PTK6: variants seen among roughly 807,000 people sequenced by gnomAD.
PTK6 encodes protein tyrosine kinase 6, also known as protein-tyrosine kinase 6.
In PTK6, 47 loss-of-function variants were observed where a neutral mutation model predicts 47.5. The ratio of observed to expected loss-of-function variants is 0.99; its 90% confidence interval spans 0.78 to 1.26. The LOEUF is 1.26. Among genes scored for constraint, PTK6 ranks in the 50% most tolerant of loss-of-function variants. PTK6 has a pLI of 0.00. For missense variants in PTK6, 618 were observed against 625.3 expected (o/e 0.99, Z 0.12); for synonymous variants, 287 against 276.5 (o/e 1.04, Z -0.38).
In PTK6 at chr20:63,530,313, T is replaced by A; in HGVS notation, c.1015-82A>T. 6.5e-7 allele frequency: 1 copy of A among 1,542,250 alleles called. No individual in the cohort carries two copies. The highest frequency in any genetic ancestry group is 8.9e-7 in the Non-Finnish European group (1 of 1,128,972). On this transcript the variant is annotated intron_variant, in intron 6 of 7. Coordinates refer to ENST00000542869, the MANE Select transcript of PTK6 (RefSeq NM_005975.4). The surrounding 1 kb of genome is among the most constrained non-coding windows in gnomAD (Gnocchi z 4.1). ...AGCATGGACGGGCACAGCGGCCGCA[T>A]TGCCCCAGCAGTGGGACGGTGATGA...
rs973303231 is a variant in PTK6 at position 63,528,561 on chromosome 20, C to G, written c.*975G>C. The stretch of plus-strand genomic sequence containing the variant: ...AGCTGGGACTACAGGCGCCCACCCC[C>G]ACCACCACACCCAGCTAATTTTTTG... On this transcript the variant is annotated 3_prime_UTR_variant, in exon 8 of 8. Transcript: ENST00000542869. 3.9e-5 allele frequency: 6 copies of G among 152,128 alleles called. No homozygotes were observed. In the East Asian group the frequency reaches 5.8e-4, roughly 15 times the overall value. 9.4% of individuals were successfully genotyped at this position (152,128 alleles called of 1,614,324 possible). A position where few individuals can be genotyped will look rare whatever the true frequency, so the allele number is the denominator to read the frequency against.
chr20:63,535,486 C>T (rs1460879164), intron 1 of PTK6, among the ~76,000 whole-genome samples: 4 of 152,180 alleles, frequency 2.6e-5, no homozygotes, highest in South Asian at 2.1e-4. Flanking sequence ...TGTGTGCTCA[C>T]TTGCCCACAC....
chr20:63,529,998 C>T lies in PTK6; in HGVS notation c.1168+80G>A, dbSNP rs746489841. The stretch of plus-strand genomic sequence containing the variant: ...GGCCCTGAAGCCCGTGGGGGAGGCA[C>T]CCCCCAGCGTCCCTGCCGGCTACCC... On this transcript the variant is annotated intron_variant, in intron 7 of 7. Transcript: ENST00000542869. The surrounding 1 kb of genome is among the most constrained non-coding windows in gnomAD (Gnocchi z 5.6). 1.1e-5 allele frequency: 17 copies of T among 1,508,926 alleles called. No individual in the cohort carries two copies. The highest frequency in any genetic ancestry group is 1.1e-4 in the African/African-American group (8 of 71,776). 93.5% of individuals were successfully genotyped at this position (1,508,926 alleles called of 1,614,324 possible). A position where few individuals can be genotyped will look rare whatever the true frequency, so the allele number is the denominator to read the frequency against.
In PTK6 at chr20:63,537,094, TCCACC is replaced by T; in HGVS notation, c.216_220del (p.Glu74GlyfsTer101). ...AGCCTAGGACACGCACGGTTCCGAC[TCCACC>T]GTCTCCCTCTCGGCCAGGTAGTTGT... On this transcript the variant is annotated frameshift_variant, in exon 1 of 8. Transcript: ENST00000542869. LOFTEE classifies it high-confidence loss of function. 1 of 1,609,342 alleles carries T rather than the reference TCCACC, an allele frequency of 6.2e-7. No homozygotes were observed. The highest frequency in any genetic ancestry group is 8.5e-7 in the Non-Finnish European group (1 of 1,178,520).
intron 2 of PTK6, 35 bp downstream of exon 2, chr20:63,534,903 G>A (rs374248069): frequency 6.4e-5 from 100 of 1,567,736 alleles, no homozygotes; most frequent in African/African-American, 3.1e-4. Flanking sequence ...AGGAGCCCCC[G>A]CAGGCAAGCA....
chr20:63,530,714 A>G lies in PTK6; in HGVS notation c.1014+32T>C, dbSNP rs1258927929. On this transcript the variant is annotated intron_variant, in intron 6 of 7. Coordinates refer to ENST00000542869, the MANE Select transcript of PTK6 (RefSeq NM_005975.4). The surrounding 1 kb of genome is among the most constrained non-coding windows in gnomAD (Gnocchi z 4.1). Reference sequence around the variant, plus strand: ...CCAGCCCTCCGGCCACGCCCCGGCCACGACCCCAGCCACGCCCTCTGAGGG... The same window carrying G: ...CCAGCCCTCCGGCCACGCCCCGGCCGCGACCCCAGCCACGCCCTCTGAGGG... 6.2e-7 allele frequency: 1 copy of G among 1,608,218 alleles called. No homozygotes were observed. Among genetic ancestry groups the G allele is most frequent in the Non-Finnish European group, 8.5e-7 (1 of 1,177,676 alleles).
Position 63,534,976 on chromosome 20 carries a change from CT to C in PTK6, c.313del (p.Arg105GlyfsTer35). 6.2e-7 allele frequency: 1 copy of C among 1,608,110 alleles called. No individual in the cohort carries two copies. Among genetic ancestry groups the C allele is most frequent in the East Asian group, 2.2e-5 (1 of 44,736 alleles). On this transcript the variant is annotated frameshift_variant, in exon 2 of 8. Coordinates refer to ENST00000542869, the MANE Select transcript of PTK6 (RefSeq NM_005975.4). LOFTEE classifies it high-confidence loss of function. ...EGNATGAFLI[R>X]VSEKPSADYV... is the part of the protein sequence containing the mutation. ...GTCGGCACTCGGCTTCTCGCTGACC[CT>C]GATCAGGAAGGCGCCCGTGGCGTTG...
chr20:63,534,060 C>T, intron 3 of PTK6, 92 bp downstream of exon 3: 1 of 1,430,920 alleles, frequency 7.0e-7, no homozygotes, highest in Non-Finnish European at 9.3e-7. Flanking sequence ...GGACCCCTCC[C>T]ATGCTGCCCG....
At chr20:63,535,422 A>G (rs7266539) in intron 1 of PTK6, among the ~76,000 whole-genome samples, 19,587 of 151,944 alleles carry the variant, frequency 0.13, 4,018 homozygotes, top group African/African-American at 0.44. Context: ...ACACACAGTC[A>G]CAAACCCCCA....
rs899579337 is a variant in PTK6, at chr20:63,530,981, G to A, written c.833-54C>T. Reference sequence around the variant, plus strand: ...GGTCAGCTGAGCCAGCTGAGGTGGGGAAGGGTTGGGGAGGCTGGGCCATGT... The same window carrying A: ...GGTCAGCTGAGCCAGCTGAGGTGGGAAAGGGTTGGGGAGGCTGGGCCATGT... On this transcript the variant is annotated intron_variant, in intron 5 of 7. Coordinates refer to ENST00000542869, the MANE Select transcript of PTK6 (RefSeq NM_005975.4). This position sits in a 1 kb window ranked among gnomAD's most constrained non-coding sequence, Gnocchi z 4.1. The A allele has an allele frequency of 2.7e-6, 4 of 1,481,416 alleles. No individual in the cohort carries two copies. The highest frequency in any genetic ancestry group is 2.7e-6 in the Non-Finnish European group (3 of 1,106,670). The allele number at this position is 1,481,416 out of a possible 1,614,324, so 91.8% of individuals were successfully genotyped here.
In PTK6 at chr20:63,528,148, A is replaced by C. The variant is rs1383045249; in HGVS notation, c.*1388T>G. On this transcript the variant is annotated 3_prime_UTR_variant, in exon 8 of 8. Coordinates refer to ENST00000542869, the MANE Select transcript of PTK6 (RefSeq NM_005975.4). ...TTCTAGGAATAGCATGTGAGATAGG[A>C]TATATATCATAGGATAACGTATCAG... 2 of 152,204 alleles carry C rather than the reference A, an allele frequency of 1.3e-5. No individual in the cohort carries two copies. Among genetic ancestry groups the C allele is most frequent in the Non-Finnish European group, 2.9e-5 (2 of 68,046 alleles). 9.4% of individuals were successfully genotyped at this position (152,204 alleles called of 1,614,324 possible). A position where few individuals can be genotyped will look rare whatever the true frequency, so the allele number is the denominator to read the frequency against.
In PTK6 at chr20:63,532,572, G is replaced by T. The variant is rs1466619451; in HGVS notation, c.786C>A (p.Ile262=). Residue 262 remains isoleucine (I), a synonymous_variant, in exon 5 of 8, where the codon ATC becomes ATA. Transcript: ENST00000542869. ...AVVSVGDPVY[I]ITELMAKGSL... ...TGCCCTTGGCCATGAGCTCCGTGAT[G>T]ATGTACACGGGGTCCCCCACGGACA... The T allele has an allele frequency of 6.2e-7, 1 of 1,613,952 alleles. No homozygotes were observed. The highest frequency in any genetic ancestry group is 1.7e-5 in the Admixed American group (1 of 60,028).
At position 63,528,865 on chromosome 20, in the gene PTK6, G is replaced by C. The variant is rs556505857; in HGVS notation, c.*671C>G. ...CCGGAACCACCCCACAGACAGTAGAGAAGGGCCCTTGTCAGCGCAGGAGTG... is the reference window on the plus strand; with the variant it reads ...CCGGAACCACCCCACAGACAGTAGACAAGGGCCCTTGTCAGCGCAGGAGTG... On this transcript the variant is annotated 3_prime_UTR_variant, in exon 8 of 8. Transcript: ENST00000542869. 6.6e-6 allele frequency: 1 copy of C among 152,374 alleles called. No individual in the cohort carries two copies. The highest frequency in any genetic ancestry group is 2.4e-5 in the African/African-American group (1 of 41,568). The allele number at this position is 152,374 out of a possible 1,614,324, so 9.4% of individuals were successfully genotyped here.
intron 5 of PTK6, among the ~76,000 whole-genome samples, chr20:63,532,076 G>C (rs149659797): frequency 6.6e-6 from 1 of 152,210 alleles, no homozygotes; most frequent in African/African-American, 2.4e-5. Flanking sequence ...TGGTGAGAAA[G>C]GAAATAATGG....
At chr20:63,532,347 A>ATGTGTGTC (rs60002583) in intron 5 of PTK6, among the ~76,000 whole-genome samples, 179 bp downstream of exon 5, 18,651 of 120,280 alleles carry the variant, frequency 0.16, 2,427 homozygotes, top group African/African-American at 0.55. Context: ...GTGTGTGTGC[A>ATGTGTGTC]TGTGTGTCTG....
chr20:63,532,381 G>A, intron 5 of PTK6, 145 bp downstream of exon 5: 5 of 1,054,714 alleles, frequency 4.7e-6, no homozygotes, highest in Non-Finnish European at 6.6e-6. Context: ...CTGTGTGTCT[G>A]TGTCTGTGTC....
rs1341902584 is a variant in PTK6, at chr20:63,533,309, G to A, written c.670+242C>T. 2.6e-5 allele frequency among the ~76,000 whole-genome samples: 4 copies of A among 152,060 alleles called. No homozygotes were observed. Among genetic ancestry groups the A allele is most frequent in the East Asian group, 1.9e-4 (1 of 5,194 alleles). On this transcript the variant is annotated intron_variant, in intron 4 of 7. Transcript: ENST00000542869. This position sits in a 1 kb window ranked among gnomAD's most constrained non-coding sequence, Gnocchi z 4.0. ...TCTCAAACTCCTGACCTCGTGATCC[G>A]CCCACCTTGGCTTCCCAAAGTGTGG...
intron 2 of PTK6, 40 bp downstream of exon 2, chr20:63,534,898 C>T (rs745777944): frequency 2.6e-6 from 4 of 1,561,354 alleles, no homozygotes; most frequent in South Asian, 1.1e-5. Context: ...GAGCCAGGAG[C>T]CCCCGCAGGC....
chr20:63,532,517 G>T lies in PTK6; in HGVS notation c.832+9C>A. ...GCCTCCAGCAAGAGCCCCGGCCCAT[G>T]CCACTCACCGCGGAGCAGCTCCAGC... On this transcript the variant is annotated intron_variant, in intron 5 of 7. Transcript: ENST00000542869. The T allele has an allele frequency of 6.2e-7, 1 of 1,601,568 alleles. No individual in the cohort carries two copies.
Sources: gnomAD v4.1 joint callset for allele counts (sites outside exome capture counted in the v4.1 genomes callset) on GRCh38, gnomAD v4.1.1 for gene constraint, Gnocchi (gnomAD v3.1) non-coding constraint, MANE v1.5 for transcripts, NCBI Gene and HGNC (gene_info 2026-07-23, HGNC 2026-07-21) for gene names.